Variants in KIAA1549 observed in about 807,000 individuals in gnomAD.
KIAA1549 encodes UPF0606 protein KIAA1549.
In KIAA1549, 70 loss-of-function variants were observed where a neutral mutation model predicts 156.4. The ratio of observed to expected loss-of-function variants is 0.45; its 90% CI spans 0.37 to 0.55. The LOEUF is 0.55. Among genes scored for constraint, KIAA1549 ranks in the 20% least tolerant of loss-of-function variants. KIAA1549 has a pLI of 0.00. For synonymous variants in KIAA1549, 1,103 were observed against 1,066.4 expected (o/e 1.03, Z -0.67); for missense variants, 2,428 against 2,540.9 (o/e 0.96, Z 0.96).
intron 12 of KIAA1549, among the ~76,000 whole-genome samples, chr7:138,871,859 T>C (rs953703940): frequency 6.6e-6 from 1 of 152,236 alleles, no homozygotes. Flanking sequence ...TGCAGGCAGG[T>C]ACCAGTTAAC....
At chr7:138,958,888 T>TG (rs947779699) in intron 1 of KIAA1549, among the ~76,000 whole-genome samples, 2 of 152,072 alleles carry the variant, frequency 1.3e-5, no homozygotes, top group African/African-American at 4.8e-5. Flanking sequence ...AAAGGTTTTT[T>TG]TTTTGTTTTG....
intron 17 of KIAA1549, among the ~76,000 whole-genome samples, chr7:138,847,706 T>A (rs1020482497): frequency 5.3e-5 from 8 of 152,244 alleles, no homozygotes; most frequent in Non-Finnish European, 1.2e-4. Context: ...TCTCAAAGTG[T>A]CTGGGCTATT....
chr7:138,928,718 T>C, intron 1 of KIAA1549, among the ~76,000 whole-genome samples: 1 of 152,248 alleles, frequency 6.6e-6, no homozygotes, highest in East Asian at 1.9e-4. Flanking sequence ...AAGTTATGTT[T>C]ATACCATACT....
At chr7:138,927,474 C>T (rs959857736) in intron 1 of KIAA1549, among the ~76,000 whole-genome samples, 1 of 152,204 alleles carries the variant, frequency 6.6e-6, no homozygotes, top group Admixed American at 6.5e-5. Flanking sequence ...CCTGTCTCTA[C>T]TAAAAATACA....
intron 8 of KIAA1549, among the ~76,000 whole-genome samples, chr7:138,901,817 T>A (rs1811851835): frequency 6.6e-6 from 1 of 152,250 alleles, no homozygotes; most frequent in Admixed American, 6.5e-5. Context: ...AATCCTTGTC[T>A]ACATCTTCAT....
chr7:138,951,764 T>C (rs1380376477), intron 1 of KIAA1549, among the ~76,000 whole-genome samples: 1 of 152,162 alleles, frequency 6.6e-6, no homozygotes, highest in African/African-American at 2.4e-5. Flanking sequence ...ATTCTATACA[T>C]CATGATGAGA....
At position 138,911,190 on chromosome 7, in the gene KIAA1549, T is replaced by A; in HGVS notation, c.3101A>T (p.Lys1034Ile). ...RDQTPLILSV[K>I]PSFLVPESRF... ...GGACTCTGGCACAAGGAAAGAAGGT[T>A]TCACAGACAGGATTAAAGGAGTCTG... Residue 1034 changes from lysine to isoleucine, a missense_variant, in exon 4 of 20, where the codon AAA (lysine) becomes ATA (isoleucine). Coordinates refer to ENST00000422774, the MANE Select transcript of KIAA1549 (RefSeq NM_001164665.2). The A allele has an allele frequency of 6.3e-7, 1 of 1,599,860 alleles. No individual in the cohort carries two copies.
At position 138,903,858 on chromosome 7, in the gene KIAA1549, C is replaced by CAT. The variant is rs1563070811; in HGVS notation, c.3521-123_3521-122insAT. 20 of 620,262 alleles carry CAT rather than the reference C, an allele frequency of 3.2e-5. No individual in the cohort carries two copies. In the African/African-American group the frequency reaches 5.9e-4, roughly 18 times the overall value. 38.4% of individuals were successfully genotyped at this position (620,262 alleles called of 1,614,324 possible). A position where few individuals can be genotyped will look rare whatever the true frequency, so the allele number is the denominator to read the frequency against. On this transcript the variant is annotated intron_variant, in intron 7 of 19. Coordinates refer to ENST00000422774, the MANE Select transcript of KIAA1549 (RefSeq NM_001164665.2). ...GTGTGTGTGTGTGTGTGTGTGCGCG[C>CAT]GCGCGCGCGCGCACATATGTATTTG... is the stretch of plus-strand genomic sequence containing the variant.
intron 1 of KIAA1549, among the ~76,000 whole-genome samples, chr7:138,933,624 G>T (rs967386822): frequency 1.3e-5 from 2 of 152,198 alleles, no homozygotes; most frequent in African/African-American, 4.8e-5. Context: ...CTGAATGAAG[G>T]GTATATGGGA....
chr7:138,967,696 G>C (rs974915170), intron 1 of KIAA1549, among the ~76,000 whole-genome samples: 3 of 150,210 alleles, frequency 2.0e-5, no homozygotes, highest in Non-Finnish European at 4.4e-5. Flanking sequence ...CTGTCCAGGA[G>C]AAAAAAAAAC....
intron 10 of KIAA1549, among the ~76,000 whole-genome samples, chr7:138,884,503 CAGAT>C (rs1365384917): frequency 3.9e-5 from 6 of 152,080 alleles, no homozygotes; most frequent in Admixed American, 1.3e-4. Context: ...GATTATAAGA[CAGAT>C]AGAACAGATT....
At chr7:138,967,700 A>C (rs1814072436) in intron 1 of KIAA1549, among the ~76,000 whole-genome samples, 2 of 152,082 alleles carry the variant, frequency 1.3e-5, no homozygotes, top group Admixed American at 1.3e-4. Flanking sequence ...CCAGGAGAAA[A>C]AAAAACACTC....
chr7:138,935,694 C>T (rs999642596), intron 1 of KIAA1549, among the ~76,000 whole-genome samples: 2 of 152,212 alleles, frequency 1.3e-5, no homozygotes, highest in Non-Finnish European at 2.9e-5. Flanking sequence ...TCCACACCGA[C>T]GTCCAAGCTG....
chr7:138,871,097 A>T, intron 13 of KIAA1549, 60 bp downstream of exon 13: 1 of 1,516,248 alleles, frequency 6.6e-7, no homozygotes, highest in Non-Finnish European at 8.9e-7. Context: ...GATTACAGGC[A>T]TAAGCCACCG....
At chr7:138,912,299 T>G in intron 3 of KIAA1549, 73 bp downstream of exon 3, 1 of 1,062,884 alleles carries the variant, frequency 9.4e-7, no homozygotes, top group East Asian at 2.4e-5. Context: ...CATAATCACC[T>G]GCCTCTAACC....
At chr7:138,910,017 C>G (rs920552791) in intron 4 of KIAA1549, among the ~76,000 whole-genome samples, 2 of 152,044 alleles carry the variant, frequency 1.3e-5, no homozygotes, top group Non-Finnish European at 2.9e-5. Flanking sequence ...CTTTTAGAGG[C>G]TATATAGGCT....
At chr7:138,957,519 C>A (rs981479678) in intron 1 of KIAA1549, among the ~76,000 whole-genome samples, 4 of 140,348 alleles carry the variant, frequency 2.9e-5, no homozygotes, top group African/African-American at 1.1e-4. Context: ...GCTGTTTGGC[C>A]CAGGCTGGAG....
intron 1 of KIAA1549, among the ~76,000 whole-genome samples, chr7:138,931,990 GT>G (rs1812887126): frequency 6.6e-6 from 1 of 152,106 alleles, no homozygotes; most frequent in Admixed American, 6.5e-5. Context: ...GGCGTGGGGT[GT>G]GTATGTGTGC....
chr7:138,868,272 G>GTTTTTTT, intron 14 of KIAA1549, 144 bp from the exon 15 acceptor site: 2 of 763,742 alleles, frequency 2.6e-6, no homozygotes, highest in Non-Finnish European at 4.2e-6. Context: ...GTACGAGACA[G>GTTTTTTT]TCTCTGCTCT....
Sources: gnomAD v4.1 joint callset for allele counts (sites outside exome capture counted in the v4.1 genomes callset) on GRCh38, gnomAD v4.1.1 for gene constraint, MANE v1.5 for transcripts, NCBI Gene and HGNC (gene_info 2026-07-23, HGNC 2026-07-21) for gene names.